The following CTPS2 variants were observed in gnomAD, a reference collection of about 807,000 sequenced individuals.
CTPS2 encodes CTP synthase II.
CTPS2 carries 19 observed loss-of-function variants against 46.8 expected under a neutral mutation model. The observed-to-expected ratio is 0.41, with a 90% CI of 0.28 to 0.60. The LOEUF is 0.60. Among genes scored for constraint, CTPS2 ranks in the 20% least tolerant of loss-of-function variants. The pLI is 0.35. For synonymous variants in CTPS2, 151 were observed against 165.2 expected, an observed-to-expected ratio of 0.91 and a Z score of 0.66; for missense variants, 286 against 447.6, an observed-to-expected ratio of 0.64 and a Z score of 3.26.
At chrX:16,637,892 T>A (rs1351663831) in intron 14 of CTPS2, among the ~76,000 whole-genome samples, 1 of 112,258 alleles carries the variant, frequency 8.9e-6, no homozygotes, top group Non-Finnish European at 1.9e-5. Context: ...CTTAGAAGGT[T>A]TATATTCATC....
chrX:16,684,041 T>C (rs1922951897), intron 8 of CTPS2, among the ~76,000 whole-genome samples: 1 of 111,987 alleles, frequency 8.9e-6, no homozygotes. Flanking sequence ...ATTTTTAGTG[T>C]TGCTTTTGTC....
At chrX:16,621,350 T>C (rs12837348) in intron 14 of CTPS2, among the ~76,000 whole-genome samples, 1 of 107,293 alleles carries the variant, frequency 9.3e-6, no homozygotes, top group African/African-American at 3.4e-5. Flanking sequence ...ATACCTAATG[T>C]AAATGATGAG....
chrX:16,644,493 G>A (rs73448300), intron 13 of CTPS2, among the ~76,000 whole-genome samples: 1,311 of 111,178 alleles, frequency 0.012, 27 homozygotes, highest in African/African-American at 0.041. Flanking sequence ...TGGGCCCATT[G>A]TAACCACAAA....
chrX:16,697,045 C>A (rs1185387275), intron 4 of CTPS2, among the ~76,000 whole-genome samples: 1 of 111,609 alleles, frequency 9.0e-6, no homozygotes, highest in Admixed American at 9.7e-5. Context: ...TGACACCATT[C>A]TAAGCACTAA....
At chrX:16,703,695 C>T (rs1199771924) in intron 1 of CTPS2, among the ~76,000 whole-genome samples, 1 of 111,609 alleles carries the variant, frequency 9.0e-6, no homozygotes, top group Non-Finnish European at 1.9e-5. Context: ...TTTTTTGAAA[C>T]AAAGTCTTAT....
At position 16,589,370 on chromosome X, in the gene CTPS2, C is replaced by G. The variant is rs1426863845; in HGVS notation, c.*447G>C. On this transcript the variant is annotated 3_prime_UTR_variant, in exon 19 of 19. Transcript: ENST00000359276. ...AACTGCAATGATCTTGGACCACACA[C>G]AAATCTGTGGCTGAGTTCCAGGTAA... 8.9e-6 allele frequency: 1 copy of G among 112,154 alleles called. No homozygotes were observed. The highest frequency in any genetic ancestry group is 3.2e-5 in the African/African-American group (1 of 30,882). 9.2% of individuals were successfully genotyped at this position (112,154 alleles called of 1,213,427 possible).
intron 13 of CTPS2, among the ~76,000 whole-genome samples, chrX:16,663,897 G>A (rs915057105): frequency 3.6e-5 from 4 of 110,706 alleles, no homozygotes; most frequent in African/African-American, 9.9e-5. Flanking sequence ...GTACAGTGGT[G>A]CAATCTCGGC....
chrX:16,601,399 G>A (rs766111112), intron 17 of CTPS2, among the ~76,000 whole-genome samples: 11 of 110,724 alleles, frequency 9.9e-5, no homozygotes, highest in East Asian at 5.7e-4. Context: ...TTCACCTAAC[G>A]AGTCCGTGAA....
chrX:16,665,007 A>G (rs1309748116), intron 13 of CTPS2, among the ~76,000 whole-genome samples: 1 of 112,627 alleles, frequency 8.9e-6, no homozygotes, highest in African/African-American at 3.2e-5. Flanking sequence ...TCCAGAGAAG[A>G]CATACAAGTG....
chrX:16,647,940 A>AAT (rs1182622560), intron 13 of CTPS2, among the ~76,000 whole-genome samples: 3 of 109,693 alleles, frequency 2.7e-5, no homozygotes, highest in African/African-American at 1.0e-4. Context: ...AAATACACAA[A>AAT]ATATATATAT....
chrX:16,702,803 C>T lies in CTPS2; in HGVS notation c.100G>A (p.Val34Ile). The T allele has an allele frequency of 4.1e-6, 5 of 1,210,244 alleles. No individual in the cohort carries two copies. The highest frequency in any genetic ancestry group is 2.2e-5 in the Admixed American group (1 of 45,861). Residue 34 changes from valine (V) to isoleucine (I), a missense_variant, in exon 2 of 19, where the codon GTT becomes ATT. Val to Ile is a conservative substitution (Grantham distance 29, BLOSUM62 3). Coordinates refer to ENST00000359276, the MANE Select transcript of CTPS2 (RefSeq NM_175859.3). ...TAGGGGTCGATTTTTATGGCAGTAA[C>T]TCGGAGTCCACATGATTTTAGAATC... ...GTILKSCGLR[V>I]TAIKIDPYIN...
chrX:16,614,608 G>A (rs1360378974), intron 16 of CTPS2, among the ~76,000 whole-genome samples: 1 of 112,513 alleles, frequency 8.9e-6, no homozygotes, highest in Non-Finnish European at 1.9e-5. Flanking sequence ...CTCTGCCATG[G>A]TAGCATAAAA....
At chrX:16,631,458 G>A (rs1374238830) in intron 14 of CTPS2, among the ~76,000 whole-genome samples, 2 of 111,580 alleles carry the variant, frequency 1.8e-5, no homozygotes, top group Non-Finnish European at 3.8e-5. Context: ...GGTTGAGGCT[G>A]CAGCGAGCTA....
At chrX:16,678,189 G>A (rs1333419259) in intron 10 of CTPS2, among the ~76,000 whole-genome samples, 173 bp downstream of exon 10, 1 of 111,974 alleles carries the variant, frequency 8.9e-6, no homozygotes, top group East Asian at 2.8e-4. Flanking sequence ...GCATTAACAT[G>A]GCACATTTCA....
chrX:16,667,505 G>A lies in CTPS2; in HGVS notation c.1296+9C>T. 1 of 1,209,606 alleles carries A rather than the reference G, an allele frequency of 8.3e-7. No individual in the cohort carries two copies. The highest frequency in any genetic ancestry group is 1.1e-6 in the Non-Finnish European group (1 of 893,547). On this transcript the variant is annotated intron_variant, in intron 13 of 18. Coordinates refer to ENST00000359276, the MANE Select transcript of CTPS2 (RefSeq NM_175859.3). The stretch of plus-strand genomic sequence containing the variant: ...TGACTGGACCCAGAAAGATAAACAA[G>A]CCACTTACCAGAGGAACTGGGGCAT...
At position 16,682,013 on chromosome X, in the gene CTPS2, A is replaced by T. The variant is rs1324531380; in HGVS notation, c.1005+1081T>A. On this transcript the variant is annotated intron_variant, in intron 9 of 18. Transcript: ENST00000359276. Reference sequence around the variant, plus strand: ...TAGCTATCATTCCTCCATGTTAGAGAGGGGAATATAGTATTTTAAAAAATC... The same window carrying T: ...TAGCTATCATTCCTCCATGTTAGAGTGGGGAATATAGTATTTTAAAAAATC... Among the ~76,000 whole-genome samples, 3 of 112,146 alleles carry T rather than the reference A, an allele frequency of 2.7e-5. No homozygotes were observed. In the East Asian group the frequency reaches 8.3e-4, roughly 31 times the overall value.
chrX:16,675,668 T>C (rs1270167148), intron 10 of CTPS2, among the ~76,000 whole-genome samples: 2 of 112,041 alleles, frequency 1.8e-5, no homozygotes, highest in African/African-American at 6.5e-5. Flanking sequence ...CTAAAACATT[T>C]TGTCACCCAC....
chrX:16,651,146 G>C lies in CTPS2; in HGVS notation c.1297-11903C>G, dbSNP rs774633766. On this transcript the variant is annotated intron_variant, in intron 13 of 18. Coordinates refer to ENST00000359276, the MANE Select transcript of CTPS2 (RefSeq NM_175859.3). ...GAATTCCCCAGTTTACTCAAAGTAA[G>C]TGGCCATCCGCAGAGCCCACTTAAT... 2.3e-5 allele frequency: 28 copies of C among 1,195,842 alleles called. No homozygotes were observed. In the East Asian group the frequency reaches 8.1e-4, roughly 34 times the overall value.
intron 17 of CTPS2, 85 bp from the exon 18 acceptor site, chrX:16,590,947 T>C: frequency 3.2e-6 from 2 of 623,741 alleles, no homozygotes; most frequent in Non-Finnish European, 5.2e-6. Context: ...ACACATTCCA[T>C]ATTAACCCCT....
Sources: allele counts gnomAD v4.1 joint callset (sites outside exome capture counted in the v4.1 genomes callset), GRCh38; gene constraint gnomAD v4.1.1; transcripts MANE v1.5; gene names NCBI Gene and HGNC (gene_info 2026-07-23, HGNC 2026-07-21).